TBC1D9: variants seen among roughly 807,000 people sequenced by gnomAD.
TBC1D9 encodes the protein TBC1 domain family member 9.
In TBC1D9, 63 loss-of-function variants were observed where a neutral mutation model predicts 132.0. The ratio of observed to expected loss-of-function variants is 0.48; its 90% CI spans 0.39 to 0.59. TBC1D9 has a LOEUF of 0.59. Among genes scored for constraint, TBC1D9 ranks in the 20% least tolerant of loss-of-function variants. The pLI, the probability that TBC1D9 is intolerant of heterozygous loss-of-function variation, is 0.00. For missense variants in TBC1D9, 1,261 were observed against 1,592.7 expected (o/e 0.79, Z 3.54); for synonymous variants, 610 against 609.9 (o/e 1.00, Z 0.00).
intron 13 of TBC1D9, among the ~76,000 whole-genome samples, chr4:140,656,644 T>C (rs1209190581): frequency 6.6e-6 from 1 of 152,236 alleles, no homozygotes; most frequent in African/African-American, 2.4e-5. Context: ...GCCCATTGCA[T>C]CCTTGCAATG....
At position 140,659,658 on chromosome 4, in the gene TBC1D9, C is replaced by T. The variant is rs1347820030; in HGVS notation, c.1851G>A (p.Glu617=). 17 of 1,608,120 alleles carry T rather than the reference C, an allele frequency of 1.1e-5. No homozygotes were observed. The highest frequency in any genetic ancestry group is 1.4e-5 in the Non-Finnish European group (17 of 1,177,352). Residue 617 remains glutamate (E), a synonymous_variant, in exon 11 of 21, where the codon GAG becomes GAA. Transcript: ENST00000442267. ...TSVLLLYAKE[E]EAFWLLVALC... ...AAGCCACAAGCAGCCAGAAAGCTTC[C>T]TCCTCTTTGGCATAAAGCAGCAGCA... is the stretch of plus-strand genomic sequence containing the variant.
chr4:140,664,111 T>C (rs1578830884), intron 9 of TBC1D9, among the ~76,000 whole-genome samples: 1 of 150,440 alleles, frequency 6.6e-6, no homozygotes, highest in African/African-American at 2.4e-5. Flanking sequence ...GTAATAGATA[T>C]GGTAAACTAG....
chr4:140,642,138 C>T (rs1737010656), intron 13 of TBC1D9: 7 of 761,954 alleles, frequency 9.2e-6, no homozygotes, highest in Admixed American at 3.6e-5. Context: ...AGCTGCCTTG[C>T]TGTCCTTTGC....
chr4:140,753,388 C>G lies in TBC1D9; in HGVS notation c.130+2528G>C, dbSNP rs573781864. On this transcript the variant is annotated intron_variant, in intron 1 of 20. Coordinates refer to ENST00000442267, the MANE Select transcript of TBC1D9 (RefSeq NM_015130.3). Reference sequence around the variant, plus strand: ...GGACTACAGGCATACACCACCATGCCCAGTTCCTTAGCTGGCTTCTATTGG... The same window carrying G: ...GGACTACAGGCATACACCACCATGCGCAGTTCCTTAGCTGGCTTCTATTGG... Among the ~76,000 whole-genome samples the G allele has an allele frequency of 1.1e-3, 171 of 152,290 alleles. 1 individual carries two copies. The highest frequency in any genetic ancestry group is 3.9e-3 in the African/African-American group (164 of 41,550).
chr4:140,699,600 C>T (rs1354713630), intron 2 of TBC1D9, among the ~76,000 whole-genome samples: 1 of 152,154 alleles, frequency 6.6e-6, no homozygotes, highest in East Asian at 1.9e-4. Context: ...TATACTGGAT[C>T]AGTATCTTTC....
chr4:140,748,382 A>T (rs1197589342), intron 1 of TBC1D9, among the ~76,000 whole-genome samples: 1 of 152,174 alleles, frequency 6.6e-6, no homozygotes, highest in Admixed American at 6.6e-5. Flanking sequence ...TCTAACATAC[A>T]TGTAATTGGA....
At chr4:140,719,160 A>AAAAG (rs767987188) in intron 1 of TBC1D9, among the ~76,000 whole-genome samples, 2 of 141,614 alleles carry the variant, frequency 1.4e-5, no homozygotes, top group Non-Finnish European at 3.1e-5. Context: ...ATAAATAAAT[A>AAAAG]AAAGAAAGTG....
At chr4:140,695,961 T>C (rs1167809517) in intron 2 of TBC1D9, among the ~76,000 whole-genome samples, 1 of 152,216 alleles carries the variant, frequency 6.6e-6, no homozygotes, top group Non-Finnish European at 1.5e-5. Context: ...CTATTAAGCA[T>C]AATGCTTAAT....
rs61730047 is a variant in TBC1D9, at chr4:140,622,741, C to A, written c.3255G>T (p.Pro1085=). The change falls in exon 21 of 21, where the codon CCG becomes CCT. Residue 1085 remains proline, a synonymous_variant. Transcript: ENST00000442267. ...AKEGGSGGSG[P]SCHQGIPGVL... Reference sequence around the variant, plus strand: ...CGCCTGGGATGCCCTGGTGGCAGGACGGCCCACTGCCTCCGCTCCCGCCCT... The same window carrying A: ...CGCCTGGGATGCCCTGGTGGCAGGAAGGCCCACTGCCTCCGCTCCCGCCCT... 2.0e-5 allele frequency: 32 copies of A among 1,607,474 alleles called. No individual in the cohort carries two copies. The South Asian group carries it at 3.2e-4, about 16-fold the overall frequency.
At chr4:140,697,592 A>C (rs1020167380) in intron 2 of TBC1D9, among the ~76,000 whole-genome samples, 1 of 152,228 alleles carries the variant, frequency 6.6e-6, no homozygotes, top group Non-Finnish European at 1.5e-5. Flanking sequence ...TTTGGACAAT[A>C]ATTTATGCCA....
At chr4:140,714,285 A>T (rs894661551) in intron 1 of TBC1D9, among the ~76,000 whole-genome samples, 25 of 152,190 alleles carry the variant, frequency 1.6e-4, no homozygotes, top group African/African-American at 6.0e-4. Flanking sequence ...GAGAACATGT[A>T]CCCATGGTGG....
At chr4:140,644,282 T>G in intron 13 of TBC1D9, 2 of 300,604 alleles carry the variant, frequency 6.7e-6, no homozygotes, top group Non-Finnish European at 1.3e-5. Context: ...CGGGGGTCTC[T>G]TCCTTGCGGG....
intron 13 of TBC1D9, among the ~76,000 whole-genome samples, chr4:140,640,242 C>T (rs1249490916): frequency 6.7e-6 from 1 of 150,334 alleles, no homozygotes; most frequent in African/African-American, 2.5e-5. Flanking sequence ...GTTTTTAGGA[C>T]TTCAATATTT....
chr4:140,672,230 A>T (rs1199726285), intron 6 of TBC1D9, among the ~76,000 whole-genome samples: 1 of 149,284 alleles, frequency 6.7e-6, no homozygotes, highest in Non-Finnish European at 1.5e-5. Context: ...TATAATATAC[A>T]TTATATATTA....
At chr4:140,644,935 C>G in intron 13 of TBC1D9, 1 of 452,134 alleles carries the variant, frequency 2.2e-6, no homozygotes, top group Non-Finnish European at 4.4e-6. Context: ...GGGGCCATGC[C>G]CTAGTGCAGA....
chr4:140,629,378 T>C (rs566488409), intron 16 of TBC1D9, among the ~76,000 whole-genome samples: 31 of 152,326 alleles, frequency 2.0e-4, no homozygotes, highest in Non-Finnish European at 4.1e-4. Context: ...ATAGTCTTTA[T>C]CAGATCTCAA....
At chr4:140,645,485 C>T (rs1480703669) in intron 13 of TBC1D9, 5 of 387,162 alleles carry the variant, frequency 1.3e-5, no homozygotes, top group Non-Finnish European at 2.5e-5. Context: ...CTATCATCTC[C>T]ACTTTTAACT....
intron 1 of TBC1D9, among the ~76,000 whole-genome samples, chr4:140,707,703 C>G (rs1365309179): frequency 6.6e-6 from 1 of 152,216 alleles, no homozygotes; most frequent in Non-Finnish European, 1.5e-5. Context: ...TTTTACACTT[C>G]TTTAATGAGC....
intron 16 of TBC1D9, among the ~76,000 whole-genome samples, chr4:140,628,673 C>G (rs757961625): frequency 2.2e-4 from 33 of 152,256 alleles, no homozygotes; most frequent in Non-Finnish European, 4.4e-4. Context: ...AATGTCAGAA[C>G]TAAAAGTGTT....
Sources: gnomAD v4.1 joint callset for allele counts (sites outside exome capture counted in the v4.1 genomes callset) on GRCh38, gnomAD v4.1.1 for gene constraint, MANE v1.5 for transcripts, NCBI Gene and HGNC (gene_info 2026-07-23, HGNC 2026-07-21) for gene names.